TMEM132D: variants seen among roughly 807,000 people sequenced by gnomAD.
The protein encoded by TMEM132D is mature OL transmembrane protein.
Under a neutral mutation model 62.3 loss-of-function variants are expected in TMEM132D, and 21 were observed. That is an observed-to-expected ratio of 0.34 (90% CI 0.24 to 0.49). The LOEUF is 0.49. TMEM132D is among the 20% of genes least tolerant of loss of function. TMEM132D has a pLI of 0.99. For missense variants in TMEM132D, 1,346 were observed against 1,402.8 expected (o/e 0.96, Z 0.65); for synonymous variants, 621 against 575.6 (o/e 1.08, Z -1.13).
intron 5 of TMEM132D, among the ~76,000 whole-genome samples, chr12:129,133,386 C>T (rs1216391963): frequency 2.0e-5 from 3 of 152,220 alleles, no homozygotes; most frequent in South Asian, 4.1e-4. Context: ...ATATGGTCCA[C>T]ACGTATAATC....
intron 1 of TMEM132D, among the ~76,000 whole-genome samples, chr12:129,719,993 C>T (rs1041674713): frequency 6.6e-6 from 1 of 151,700 alleles, no homozygotes; most frequent in Non-Finnish European, 1.5e-5. Context: ...TCAAGCGGGC[C>T]ATTAAAGACT....
chr12:129,474,670 C>A (rs996235568), intron 3 of TMEM132D, among the ~76,000 whole-genome samples: 2 of 152,188 alleles, frequency 1.3e-5, no homozygotes, highest in Admixed American at 6.6e-5. Context: ...TGGATGCTGT[C>A]ATCATTAACT....
chr12:129,609,182 C>A (rs1369796053), intron 2 of TMEM132D, among the ~76,000 whole-genome samples: 1 of 151,960 alleles, frequency 6.6e-6, no homozygotes. Context: ...TGACCTCAGG[C>A]GATCTGCCAA....
intron 3 of TMEM132D, among the ~76,000 whole-genome samples, chr12:129,511,505 A>T (rs1423296896): frequency 6.6e-6 from 1 of 152,224 alleles, no homozygotes; most frequent in Non-Finnish European, 1.5e-5. Flanking sequence ...AGTCTTTTAA[A>T]ATTTAGCCAT....
chr12:129,733,289 G>T (rs1192993638), intron 1 of TMEM132D, among the ~76,000 whole-genome samples: 2 of 152,152 alleles, frequency 1.3e-5, no homozygotes, highest in Non-Finnish European at 2.9e-5. Context: ...TTTGCCCTTA[G>T]CCTGTAGGGT....
intron 1 of TMEM132D, among the ~76,000 whole-genome samples, chr12:129,805,683 T>C (rs1005136728): frequency 1.9e-4 from 29 of 151,858 alleles, no homozygotes; most frequent in African/African-American, 6.3e-4. Context: ...AAAGACAGAA[T>C]TGACAAATGG....
Position 129,084,843 on chromosome 12 carries a change from G to T in TMEM132D, c.1444-141C>A, listed in dbSNP as rs538254234. ...CCTTACTATGGGGGAGGAGGTCCTG[G>T]TATGGAGCAGACATTGGGTGTTGCT... On this transcript the variant is annotated intron_variant, in intron 5 of 8. Transcript: ENST00000422113. The T allele has an allele frequency of 1.3e-4, 86 of 687,006 alleles. No individual in the cohort carries two copies. The South Asian group carries it at 1.6e-3, about 13-fold the overall frequency. The allele number at this position is 687,006 out of a possible 1,614,324, so 42.6% of individuals were successfully genotyped here.
intron 4 of TMEM132D, among the ~76,000 whole-genome samples, chr12:129,219,888 C>G (rs933833385): frequency 6.6e-6 from 1 of 152,164 alleles, no homozygotes; most frequent in African/African-American, 2.4e-5. Context: ...AGGGAGCTGG[C>G]CTTGCACCTT....
At chr12:129,086,005 C>A in intron 5 of TMEM132D, 1 of 152,290 alleles carries the variant, frequency 6.6e-6, no homozygotes. Flanking sequence ...TAAACGTTAC[C>A]TTACTTGTCA....
chr12:129,720,798 C>A (rs896510), intron 1 of TMEM132D, among the ~76,000 whole-genome samples: 1 of 152,044 alleles, frequency 6.6e-6, no homozygotes, highest in Admixed American at 6.5e-5. Context: ...TGATAATCAA[C>A]GTATCAATAA....
intron 5 of TMEM132D, among the ~76,000 whole-genome samples, chr12:129,145,288 A>T (rs1476875362): frequency 4.0e-5 from 6 of 151,860 alleles, no homozygotes; most frequent in Admixed American, 1.3e-4. Context: ...AGCTTGTTTC[A>T]CAACTTACTA....
At chr12:129,584,681 G>A (rs1388904) in intron 2 of TMEM132D, among the ~76,000 whole-genome samples, 43,223 of 152,176 alleles carry the variant, frequency 0.28, 7,725 homozygotes, top group Non-Finnish European at 0.4. Flanking sequence ...GCCTAGACTA[G>A]GCTCCACAGG....
At chr12:129,489,202 T>C (rs952557430) in intron 3 of TMEM132D, among the ~76,000 whole-genome samples, 1 of 152,218 alleles carries the variant, frequency 6.6e-6, no homozygotes, top group African/African-American at 2.4e-5. Context: ...ATAAGGCAAA[T>C]TGGTCTTCTT....
At chr12:129,655,088 C>T (rs1880038377) in intron 2 of TMEM132D, among the ~76,000 whole-genome samples, 1 of 151,982 alleles carries the variant, frequency 6.6e-6, no homozygotes, top group Admixed American at 6.6e-5. Context: ...GATGGGACTA[C>T]AGGCGCCTGC....
At chr12:129,158,186 G>A (rs529048477) in intron 5 of TMEM132D, among the ~76,000 whole-genome samples, 28 of 152,296 alleles carry the variant, frequency 1.8e-4, no homozygotes, top group African/African-American at 5.8e-4. Flanking sequence ...TGGTGATAAA[G>A]GTGGAGAGGA....
intron 4 of TMEM132D, among the ~76,000 whole-genome samples, chr12:129,284,171 C>T (rs1881232190): frequency 6.6e-6 from 1 of 151,932 alleles, no homozygotes; most frequent in Non-Finnish European, 1.5e-5. Flanking sequence ...GCCTGAAGAT[C>T]CATCTACATC....
chr12:129,382,145 T>G (rs1028424032), intron 3 of TMEM132D, among the ~76,000 whole-genome samples: 5 of 152,176 alleles, frequency 3.3e-5, no homozygotes, highest in African/African-American at 9.7e-5. Context: ...AATTCAGCAG[T>G]CCATTTAAAT....
At chr12:129,565,776 T>C (rs187743005) in intron 2 of TMEM132D, among the ~76,000 whole-genome samples, 3 of 152,304 alleles carry the variant, frequency 2.0e-5, no homozygotes, top group Admixed American at 6.5e-5. Context: ...TTAATAAACC[T>C]TTTGCTTGGT....
intron 5 of TMEM132D, among the ~76,000 whole-genome samples, chr12:129,156,521 G>A (rs141915576): frequency 1.5e-3 from 221 of 151,730 alleles, no homozygotes; most frequent in African/African-American, 5.1e-3. Context: ...TCCCAAGATA[G>A]CTATTCCGCT....
Sources: allele counts gnomAD v4.1 joint callset (sites outside exome capture counted in the v4.1 genomes callset), GRCh38; gene constraint gnomAD v4.1.1; transcripts MANE v1.5; gene names NCBI Gene and HGNC (gene_info 2026-07-23, HGNC 2026-07-21).